The following EYA2 variants were observed in gnomAD, a reference collection of about 807,000 sequenced individuals.
The protein encoded by EYA2 is protein phosphatase EYA2.
In EYA2, 31 loss-of-function variants were observed where a neutral mutation model predicts 69.2. The ratio of observed to expected loss-of-function variants is 0.45; its 90% CI spans 0.34 to 0.60. The LOEUF (loss-of-function observed/expected upper bound fraction) is 0.60, where lower values mean the gene tolerates loss of function less well. Ranked by LOEUF, EYA2 falls within the 20% of genes least tolerant of loss-of-function variation. EYA2 has a pLI of 0.02. For missense variants in EYA2, 622 were observed against 701.2 expected (o/e 0.89, Z 1.28); for synonymous variants, 257 against 279.4 (o/e 0.92, Z 0.80).
intron 5 of EYA2, among the ~76,000 whole-genome samples, chr20:47,049,110 C>G (rs1412728203): frequency 6.6e-6 from 1 of 152,218 alleles, no homozygotes; most frequent in Non-Finnish European, 1.5e-5. Context: ...CAGATTCAAA[C>G]TCAGTCAGTC....
rs547730189 is a variant in EYA2 at position 47,059,934 on chromosome 20, T to C, written c.416-12251T>C. ...CTATTCTGTCTTCCTAGAGCAGAGATCACAACCTGGAAGCCCACAGCCCCC... is the reference window on the plus strand; with the variant it reads ...CTATTCTGTCTTCCTAGAGCAGAGACCACAACCTGGAAGCCCACAGCCCCC... On this transcript the variant is annotated intron_variant, in intron 5 of 15. Transcript: ENST00000327619. Among the ~76,000 whole-genome samples the C allele has an allele frequency of 2.0e-5, 3 of 152,332 alleles. No homozygotes were observed. The East Asian group carries it at 5.8e-4, about 29-fold the overall frequency.
chr20:46,948,138 A>G (rs908365721), intron 1 of EYA2, among the ~76,000 whole-genome samples: 2 of 151,914 alleles, frequency 1.3e-5, no homozygotes, highest in Non-Finnish European at 2.9e-5. Context: ...AAGAAAAAAG[A>G]AAACAAAAGA....
chr20:47,117,351 A>G, intron 9 of EYA2: 1 of 984,984 alleles, frequency 1.0e-6, no homozygotes, highest in Non-Finnish European at 1.2e-6. Flanking sequence ...ATCCTTTCAC[A>G]CATTCATCTG....
chr20:47,114,564 G>A (rs1023003121), intron 9 of EYA2, among the ~76,000 whole-genome samples: 9 of 152,140 alleles, frequency 5.9e-5, no homozygotes, highest in South Asian at 2.1e-4. Flanking sequence ...GTAGTGAGCC[G>A]AAATCGTGCC....
chr20:47,067,146 C>T (rs2031142232), intron 5 of EYA2, among the ~76,000 whole-genome samples: 1 of 152,160 alleles, frequency 6.6e-6, no homozygotes, highest in Admixed American at 6.5e-5. Context: ...AGGGACAAGA[C>T]GATAGCCTGT....
At chr20:46,898,404 C>T (rs1396511784) in intron 1 of EYA2, among the ~76,000 whole-genome samples, 1 of 151,580 alleles carries the variant, frequency 6.6e-6, no homozygotes, top group Non-Finnish European at 1.5e-5. Context: ...AACACACACA[C>T]ACACACACAC....
chr20:47,059,551 C>G (rs1397965921), intron 5 of EYA2, among the ~76,000 whole-genome samples: 2 of 152,108 alleles, frequency 1.3e-5, no homozygotes, highest in Non-Finnish European at 2.9e-5. Context: ...GGGTTTTGCC[C>G]TGTTGGCCAG....
intron 4 of EYA2, among the ~76,000 whole-genome samples, chr20:47,010,089 T>C (rs1027659674): frequency 6.6e-6 from 1 of 152,244 alleles, no homozygotes; most frequent in African/African-American, 2.4e-5. Context: ...TTACATAGGA[T>C]GCTGCAATCA....
rs538312554 is a variant in EYA2 at position 47,005,736 on chromosome 20, G to A, written c.298+652G>A. Among the ~76,000 whole-genome samples the A allele has an allele frequency of 4.6e-5, 7 of 152,332 alleles. No individual in the cohort carries two copies. The South Asian group carries it at 1.5e-3, about 32-fold the overall frequency. On this transcript the variant is annotated intron_variant, in intron 4 of 15. Coordinates refer to ENST00000327619, the MANE Select transcript of EYA2 (RefSeq NM_005244.5). ...CAGAAGAAGGAGAAATGGATGTGGT[G>A]GAGGACGGGGCAGAAACAACAGACC...
chr20:47,068,293 A>C (rs763505881), intron 5 of EYA2, among the ~76,000 whole-genome samples: 1 of 152,254 alleles, frequency 6.6e-6, no homozygotes, highest in Non-Finnish European at 1.5e-5. Flanking sequence ...GAACTAATTA[A>C]TGGCCTCAGT....
intron 2 of EYA2, among the ~76,000 whole-genome samples, chr20:46,991,829 G>A (rs188574865): frequency 5.3e-5 from 8 of 152,190 alleles, no homozygotes; most frequent in South Asian, 4.2e-4. Context: ...TTAGACAGGC[G>A]TGGTGGCACA....
At chr20:47,053,884 T>C (rs1171430999) in intron 5 of EYA2, among the ~76,000 whole-genome samples, 1 of 151,604 alleles carries the variant, frequency 6.6e-6, no homozygotes, top group African/African-American at 2.4e-5. Context: ...CAGGTTAGGA[T>C]CCGAGTAGAG....
chr20:46,924,669 C>CAAAAAAAAAAA (rs10568771), intron 1 of EYA2, among the ~76,000 whole-genome samples: 10 of 88,370 alleles, frequency 1.1e-4, no homozygotes, highest in African/African-American at 5.2e-4. Flanking sequence ...GACTCCATCT[C>CAAAAAAAAAAA]AAAAAAAAAA....
At chr20:47,122,519 C>T (rs1184746116) in intron 9 of EYA2, among the ~76,000 whole-genome samples, 3 of 151,814 alleles carry the variant, frequency 2.0e-5, no homozygotes, top group Admixed American at 6.6e-5. Flanking sequence ...AGGGTGGTCT[C>T]GATCTCCTGA....
chr20:47,052,904 T>A (rs1367693627), intron 5 of EYA2, among the ~76,000 whole-genome samples: 1 of 152,180 alleles, frequency 6.6e-6, no homozygotes, highest in East Asian at 1.9e-4. Flanking sequence ...CTATTTCTTT[T>A]ATCCACATTC....
intron 5 of EYA2, among the ~76,000 whole-genome samples, chr20:47,044,511 G>A (rs2029930151): frequency 6.6e-6 from 1 of 151,960 alleles, no homozygotes; most frequent in East Asian, 1.9e-4. Flanking sequence ...ACAAAGTAGA[G>A]TCTTTCGGGG....
chr20:47,115,716 A>G (rs3787249), intron 9 of EYA2, among the ~76,000 whole-genome samples: 67,656 of 151,944 alleles, frequency 0.45, 15,964 homozygotes, highest in East Asian at 0.66. Flanking sequence ...TTGGGCAGCC[A>G]AACAACTGCT....
chr20:46,928,972 C>A (rs1985537231), intron 1 of EYA2, among the ~76,000 whole-genome samples: 1 of 152,130 alleles, frequency 6.6e-6, no homozygotes, highest in Non-Finnish European at 1.5e-5. Flanking sequence ...ACTAAGGCTA[C>A]TTTAAATGCA....
At chr20:46,910,357 A>G (rs1984583018) in intron 1 of EYA2, among the ~76,000 whole-genome samples, 1 of 152,152 alleles carries the variant, frequency 6.6e-6, no homozygotes. Context: ...CAAGAACAGC[A>G]CCAAAGGGGA....
Sources: gnomAD v4.1 joint callset for allele counts (sites outside exome capture counted in the v4.1 genomes callset) on GRCh38, gnomAD v4.1.1 for gene constraint, MANE v1.5 for transcripts, NCBI Gene and HGNC (gene_info 2026-07-23, HGNC 2026-07-21) for gene names.